The following FRMD8 variants were observed in gnomAD, a reference collection of about 807,000 sequenced individuals.
FRMD8 encodes FERM domain containing 8.
FRMD8 carries 37 observed loss-of-function variants against 54.2 expected under a neutral mutation model. The ratio of observed to expected loss-of-function variants is 0.68; its 90% CI spans 0.53 to 0.90. FRMD8 has a LOEUF of 0.90. Among genes scored for constraint, FRMD8 ranks in the 40% least tolerant of loss-of-function variants. The pLI is 0.00. For missense variants in FRMD8, 585 were observed against 653.7 expected (o/e 0.89, Z 1.15); for synonymous variants, 246 against 286.9 (o/e 0.86, Z 1.44).
chr11:65,379,257 G>T, the FRMD8 span: 1 of 1,207,374 alleles, frequency 8.3e-7, no homozygotes, highest in East Asian at 2.4e-5. Flanking sequence ...CAGGCCTCTT[G>T]TTCCCCTCCA....
chr11:65,377,410 G>A, the FRMD8 span: 80 of 1,179,920 alleles, frequency 6.8e-5, no homozygotes, highest in East Asian at 1.0e-4. Context: ...CCCTAAAGCC[G>A]GCAGTGAGCA....
chr11:65,377,092 C>T, the FRMD8 span: 1 of 1,608,278 alleles, frequency 6.2e-7, no homozygotes, highest in East Asian at 2.2e-5. Flanking sequence ...GGTGATGAAA[C>T]ATGAGGGCCC....
Position 65,387,124 on chromosome 11 carries a change from G to C in FRMD8, c.85+3G>C. On this transcript the variant is annotated splice_donor_region_variant and intron_variant, in intron 2 of 10. Coordinates refer to ENST00000317568, the MANE Select transcript of FRMD8 (RefSeq NM_031904.5). ...CGTGTCCTCCGTGGGAGCCCGAGGT[G>C]GGTCCCACCCGCATCTCCTCTTCCA... is the stretch of plus-strand genomic sequence containing the variant. The C allele has an allele frequency of 6.2e-7, 1 of 1,604,304 alleles. No homozygotes were observed. The highest frequency in any genetic ancestry group is 2.2e-5 in the East Asian group (1 of 44,876).
intron 10 of FRMD8, among the ~76,000 whole-genome samples, chr11:65,408,398 A>G (rs1315585609): frequency 1.3e-5 from 2 of 151,712 alleles, no homozygotes; most frequent in Non-Finnish European, 2.9e-5. Context: ...ATAATCAGAA[A>G]AAGCAAACTT....
At chr11:65,369,867 T>C in the FRMD8 span, among the ~76,000 whole-genome samples, 1 of 151,128 alleles carries the variant, frequency 6.6e-6, no homozygotes, top group African/African-American at 2.4e-5. Flanking sequence ...ATCCCGTCTC[T>C]ACTAAAAATA....
In FRMD8 at chr11:65,397,037, C is replaced by T. The variant is rs999146101; in HGVS notation, c.803+17C>T. 2.9e-5 allele frequency: 39 copies of T among 1,362,248 alleles called. No individual in the cohort carries two copies. Among genetic ancestry groups the T allele is most frequent in the Middle Eastern group, 1.8e-4 (1 of 5,446 alleles). 84.4% of individuals were successfully genotyped at this position (1,362,248 alleles called of 1,614,324 possible). On this transcript the variant is annotated intron_variant, in intron 7 of 10. Transcript: ENST00000317568. ...GTTTTATGGGTAAGAGCCACAGCCC[C>T]GCGGTCCCCCACCCCCTCCGCAGGC...
the FRMD8 span, among the ~76,000 whole-genome samples, chr11:65,369,302 C>T: frequency 1.3e-5 from 2 of 151,750 alleles, no homozygotes; most frequent in African/African-American, 2.4e-5. Flanking sequence ...AGGGCATGTG[C>T]GGCTGGGCAC....
Position 65,411,100 on chromosome 11 carries a change from T to C in FRMD8, c.1277-142T>C, listed in dbSNP as rs916148895. On this transcript the variant is annotated intron_variant, in intron 10 of 10. Transcript: ENST00000317568. ...TATACTGTAGCATGCTGAGCGGGGCTGAGGCTCGGATGAGGGGAGCTCAGT... is the reference window on the plus strand; with the variant it reads ...TATACTGTAGCATGCTGAGCGGGGCCGAGGCTCGGATGAGGGGAGCTCAGT... 2.8e-5 allele frequency: 17 copies of C among 616,392 alleles called. No homozygotes were observed. The Admixed American group carries it at 3.7e-4, about 14-fold the overall frequency. 38.2% of individuals were successfully genotyped at this position (616,392 alleles called of 1,614,324 possible).
At chr11:65,376,875 A>G in the FRMD8 span, 1 of 1,614,226 alleles carries the variant, frequency 6.2e-7, no homozygotes, top group Non-Finnish European at 8.5e-7. Flanking sequence ...GTGATGAAGT[A>G]GATCCCCACC....
Position 65,400,578 on chromosome 11 carries a change from A to C in FRMD8, c.928-146A>C, listed in dbSNP as rs866904902. On this transcript the variant is annotated intron_variant, in intron 8 of 10. Coordinates refer to ENST00000317568, the MANE Select transcript of FRMD8 (RefSeq NM_031904.5). This position sits in a 1 kb window ranked among gnomAD's most constrained non-coding sequence, Gnocchi z 4.3. ...CCCTGGCAGGCTCTGATGAAAGCTG[A>C]GGCTCTCTCCTTACAGAAACACATG... is the stretch of plus-strand genomic sequence containing the variant. 3 of 787,052 alleles carry C rather than the reference A, an allele frequency of 3.8e-6. No individual in the cohort carries two copies. The highest frequency in any genetic ancestry group is 5.6e-6 in the Non-Finnish European group (3 of 533,876). The allele number at this position is 787,052 out of a possible 1,614,324, so 48.8% of individuals were successfully genotyped here.
rs150775592 is a variant in FRMD8 at position 65,389,385 on chromosome 11, C to T, written c.110C>T (p.Ala37Val). Residue 37 changes from alanine to valine, a missense_variant, in exon 3 of 11, where the codon GCG (alanine) becomes GTG (valine). Physicochemically the swap from Ala to Val is moderately conservative, Grantham distance 64 (BLOSUM62 0). Coordinates refer to ENST00000317568, the MANE Select transcript of FRMD8 (RefSeq NM_031904.5). Reference protein sequence around the residue: ...ARAADVLVYLADDTVVPLAVE... With the variant: ...ARAADVLVYLVDDTVVPLAVE... ...GCGGCTGACGTGCTGGTATACCTAGCGGATGACACGGTGGTGCCCCTGGCT... is the reference window on the plus strand; with the variant it reads ...GCGGCTGACGTGCTGGTATACCTAGTGGATGACACGGTGGTGCCCCTGGCT... 1.2e-4 allele frequency: 195 copies of T among 1,610,690 alleles called. No individual in the cohort carries two copies. The highest frequency in any genetic ancestry group is 3.2e-4 in the South Asian group (29 of 91,084).
In FRMD8 at chr11:65,386,651, A is replaced by G. The variant is rs1039539270; in HGVS notation, c.-111A>G. The G allele has an allele frequency of 4.5e-6, 1 of 221,146 alleles. No homozygotes were observed. The highest frequency in any genetic ancestry group is 8.9e-6 in the Non-Finnish European group (1 of 112,760). 13.7% of individuals were successfully genotyped at this position (221,146 alleles called of 1,614,324 possible). On this transcript the variant is annotated 5_prime_UTR_variant, in exon 1 of 11. Transcript: ENST00000317568. ...GTGGCTTCCGCGTCGCTTCCCGGTC[A>G]GCTGCGTCCTTAGCGGGAGCCCGAG...
chr11:65,407,920 C>CATGTGTG (rs1856240641), intron 10 of FRMD8, among the ~76,000 whole-genome samples: 1 of 150,482 alleles, frequency 6.6e-6, no homozygotes. Flanking sequence ...AACAGGACAG[C>CATGTGTG]ATGTGTGCAG....
intron 9 of FRMD8, among the ~76,000 whole-genome samples, chr11:65,401,345 T>TCCCTCCCCAGCCTCCCTCCCCA (rs1565608631): frequency 8.6e-5 from 9 of 104,220 alleles, no homozygotes; most frequent in African/African-American, 3.7e-4. Context: ...CTCCCTCCCC[T>TCCCTCCCCAGCCTCCCTCCCCA]GCCTCCCTCC....
intron 9 of FRMD8, among the ~76,000 whole-genome samples, chr11:65,402,827 T>TTC (rs1752994452): frequency 6.6e-6 from 1 of 152,136 alleles, no homozygotes; most frequent in African/African-American, 2.4e-5. Context: ...TTTTTTTTTT[T>TTC]CTTTTGGTGC....
In FRMD8 at chr11:65,404,228, C is replaced by T. The variant is rs952370398; in HGVS notation, c.1072-636C>T. ...CCCAGGCCTGCAGCAGTGCTTGGCA[C>T]GTGGGAGGCACTCAGGAAATACCTG... On this transcript the variant is annotated intron_variant, in intron 9 of 10. Coordinates refer to ENST00000317568, the MANE Select transcript of FRMD8 (RefSeq NM_031904.5). The surrounding 1 kb of genome is among the most constrained non-coding windows in gnomAD (Gnocchi z 4.7). Among the ~76,000 whole-genome samples, 4 of 152,288 alleles carry T rather than the reference C, an allele frequency of 2.6e-5. No homozygotes were observed. The highest frequency in any genetic ancestry group is 2.1e-4 in the South Asian group (1 of 4,822).
At chr11:65,373,952 C>T in the FRMD8 span, among the ~76,000 whole-genome samples, 1 of 152,160 alleles carries the variant, frequency 6.6e-6, no homozygotes, top group Non-Finnish European at 1.5e-5. Context: ...GACTTAGAAA[C>T]TCACAGTACC....
At chr11:65,389,948 C>G (rs1199615678) in intron 3 of FRMD8, among the ~76,000 whole-genome samples, 1 of 152,300 alleles carries the variant, frequency 6.6e-6, no homozygotes, top group Admixed American at 6.5e-5. Flanking sequence ...GTTAGGGTGG[C>G]GAGACCACTG....
At chr11:65,391,162 A>G (rs1224341047) in intron 3 of FRMD8, among the ~76,000 whole-genome samples, 4 of 152,194 alleles carry the variant, frequency 2.6e-5, no homozygotes, top group African/African-American at 9.7e-5. Context: ...TAGCCTTCTC[A>G]ATGTCGTTGT....
Sources: allele counts gnomAD v4.1 joint callset (sites outside exome capture counted in the v4.1 genomes callset), GRCh38; gene constraint gnomAD v4.1.1; non-coding constraint Gnocchi (gnomAD v3.1); transcripts MANE v1.5; gene names NCBI Gene and HGNC (gene_info 2026-07-23, HGNC 2026-07-21).